MSRA: variants seen among roughly 807,000 people sequenced by gnomAD.
MSRA encodes the protein methionine sulfoxide reductase A, also known as mitochondrial peptide methionine sulfoxide reductase.
Under a neutral mutation model 31.3 loss-of-function variants are expected in MSRA, and 54 were observed. That is an observed-to-expected ratio of 1.73 (90% CI 1.39 to 2.17). The LOEUF is 2.17. Among genes scored for constraint, MSRA ranks in the 30% most tolerant of loss-of-function variants. The pLI is 0.00. For missense variants in MSRA, 507 were observed against 300.9 expected, an observed-to-expected ratio of 1.69 and a Z score of -5.07; for synonymous variants, 169 against 116.5, an observed-to-expected ratio of 1.45 and a Z score of -2.90.
At chr8:10,076,084 G>T (rs557780503) in intron 1 of MSRA, among the ~76,000 whole-genome samples, 9 of 104,202 alleles carry the variant, frequency 8.6e-5, no homozygotes, top group African/African-American at 2.1e-4. Context: ...TGTGCGTCAT[G>T]TGCTTACTGG....
intron 5 of MSRA, among the ~76,000 whole-genome samples, chr8:10,400,106 T>G (rs925817156): frequency 6.6e-6 from 1 of 151,780 alleles, no homozygotes; most frequent in South Asian, 2.1e-4. Flanking sequence ...TGATAAACCA[T>G]TGTCATAGAA....
At chr8:10,096,470 G>T (rs901887176) in intron 1 of MSRA, among the ~76,000 whole-genome samples, 2 of 152,192 alleles carry the variant, frequency 1.3e-5, no homozygotes, top group Admixed American at 1.3e-4. Context: ...GATGTTGGCA[G>T]AAATGGCTGG....
intron 3 of MSRA, among the ~76,000 whole-genome samples, chr8:10,260,246 T>G (rs764170073): frequency 3.3e-5 from 5 of 152,164 alleles, no homozygotes; most frequent in Non-Finnish European, 5.9e-5. Context: ...GCTCCACTTC[T>G]GGTTGAGGGA....
intron 5 of MSRA, among the ~76,000 whole-genome samples, chr8:10,394,938 G>T (rs898828607): frequency 6.6e-6 from 1 of 152,220 alleles, no homozygotes; most frequent in Non-Finnish European, 1.5e-5. Flanking sequence ...CATATGAACT[G>T]AGTCTCTTCG....
rs992447204 is a variant in MSRA at position 10,334,586 on chromosome 8, G to C, written c.543+14597G>C. ...GTCCCGAGCTCCCCGGCCTGCGCCTGCACGGCCGCGGGACGCCCGCTTGCA... is the reference window on the plus strand; with the variant it reads ...GTCCCGAGCTCCCCGGCCTGCGCCTCCACGGCCGCGGGACGCCCGCTTGCA... On this transcript the variant is annotated intron_variant, in intron 5 of 5. Coordinates refer to ENST00000317173, the MANE Select transcript of MSRA (RefSeq NM_012331.5). Among the ~76,000 whole-genome samples the C allele has an allele frequency of 2.6e-5, 4 of 152,240 alleles. No individual in the cohort carries two copies. The South Asian group carries it at 8.3e-4, about 32-fold the overall frequency.
intron 3 of MSRA, among the ~76,000 whole-genome samples, chr8:10,253,573 T>G (rs1798026202): frequency 6.6e-6 from 1 of 152,234 alleles, no homozygotes; most frequent in Admixed American, 6.5e-5. Context: ...TAGGTTATTC[T>G]TTCATTGTTT....
chr8:10,232,528 T>G (rs1811581775), intron 2 of MSRA, among the ~76,000 whole-genome samples: 1 of 152,206 alleles, frequency 6.6e-6, no homozygotes, highest in South Asian at 2.1e-4. Flanking sequence ...TAGGTATTTT[T>G]AGAGAATCAC....
At chr8:10,055,600 T>TTA (rs1353785718) in intron 1 of MSRA, among the ~76,000 whole-genome samples, 4 of 152,244 alleles carry the variant, frequency 2.6e-5, no homozygotes, top group Non-Finnish European at 5.9e-5. Context: ...CTCCAGGTGA[T>TTA]TGTAATGTAC....
intron 5 of MSRA, among the ~76,000 whole-genome samples, chr8:10,357,183 A>G (rs180819264): frequency 1.3e-5 from 2 of 152,336 alleles, no homozygotes; most frequent in East Asian, 3.9e-4. Flanking sequence ...TGCTTAAGGC[A>G]CAAATCCATT....
At chr8:10,319,812 A>T (rs761853304) in intron 4 of MSRA, 71 bp from the exon 5 acceptor site, 1 of 845,472 alleles carries the variant, frequency 1.2e-6, no homozygotes, top group African/African-American at 1.7e-5. Flanking sequence ...ATGTCTCAGC[A>T]TTGTGCCCAG....
At chr8:10,074,799 C>T (rs1325290422) in intron 1 of MSRA, among the ~76,000 whole-genome samples, 1 of 152,092 alleles carries the variant, frequency 6.6e-6, no homozygotes, top group Non-Finnish European at 1.5e-5. Context: ...GCTGAGGTTA[C>T]AGGCACCTAC....
At chr8:10,410,554 G>T (rs1808093908) in intron 5 of MSRA, among the ~76,000 whole-genome samples, 1 of 152,188 alleles carries the variant, frequency 6.6e-6, no homozygotes, top group Non-Finnish European at 1.5e-5. Context: ...AAACAGCACT[G>T]AGAGGTAGAT....
chr8:10,413,054 A>C (rs1808249388), intron 5 of MSRA, among the ~76,000 whole-genome samples: 1 of 152,272 alleles, frequency 6.6e-6, no homozygotes, highest in Non-Finnish European at 1.5e-5. Flanking sequence ...TAATAGCCAG[A>C]AACAGGAAAC....
chr8:10,373,702 A>T (rs1383154068), intron 5 of MSRA, among the ~76,000 whole-genome samples: 2 of 152,222 alleles, frequency 1.3e-5, no homozygotes, highest in African/African-American at 4.8e-5. Context: ...ACAGGGGGCA[A>T]CACCAGGAGT....
At chr8:10,353,213 T>C (rs988836497) in intron 5 of MSRA, among the ~76,000 whole-genome samples, 2 of 152,362 alleles carry the variant, frequency 1.3e-5, no homozygotes, top group African/African-American at 4.8e-5. Context: ...CAGAACATTC[T>C]TGGGAGAACT....
At chr8:10,155,180 T>G (rs1446216489) in intron 1 of MSRA, among the ~76,000 whole-genome samples, 2 of 152,108 alleles carry the variant, frequency 1.3e-5, no homozygotes, top group African/African-American at 4.8e-5. Context: ...TACTGAACTT[T>G]TTTAAGTAGG....
intron 1 of MSRA, among the ~76,000 whole-genome samples, chr8:10,190,513 A>G (rs1345648090): frequency 6.6e-6 from 1 of 152,234 alleles, no homozygotes; most frequent in Non-Finnish European, 1.5e-5. Flanking sequence ...GGCCTGGCCA[A>G]GCCCGCAAAC....
chr8:10,425,064 A>G (rs1321620299), intron 5 of MSRA, among the ~76,000 whole-genome samples: 1 of 151,574 alleles, frequency 6.6e-6, no homozygotes, highest in African/African-American at 2.4e-5. Context: ...AAGACACTAG[A>G]TGTGACCTTC....
intron 3 of MSRA, among the ~76,000 whole-genome samples, chr8:10,293,975 G>C (rs558776789): frequency 6.6e-6 from 1 of 152,248 alleles, no homozygotes; most frequent in African/African-American, 2.4e-5. Flanking sequence ...AGGCCGAGGT[G>C]GGAGGATCAC....
Sources: allele counts gnomAD v4.1 joint callset (sites outside exome capture counted in the v4.1 genomes callset), GRCh38; gene constraint gnomAD v4.1.1; transcripts MANE v1.5; gene names NCBI Gene and HGNC (gene_info 2026-07-23, HGNC 2026-07-21).